The following NCKAP1L variants were observed in gnomAD, a reference collection of about 807,000 sequenced individuals.
NCKAP1L encodes the protein NCK associated protein 1 like.
In NCKAP1L, 53 loss-of-function variants were observed where a neutral mutation model predicts 139.2. The ratio of observed to expected loss-of-function variants is 0.38; its 90% CI spans 0.31 to 0.48. The LOEUF (loss-of-function observed/expected upper bound fraction) is 0.48. Among genes scored for constraint, NCKAP1L ranks in the 20% least tolerant of loss-of-function variants. The pLI is 0.98. For missense variants in NCKAP1L, 1,151 were observed against 1,381.9 expected, an observed-to-expected ratio of 0.83 and a Z score of 2.65; for synonymous variants, 468 against 499.7, an observed-to-expected ratio of 0.94 and a Z score of 0.85.
In NCKAP1L at chr12:54,538,968, C is replaced by T. The variant is rs142607419; in HGVS notation, c.3268C>T (p.Arg1090Cys). 24 of 1,613,554 alleles carry T rather than the reference C, an allele frequency of 1.5e-5. No homozygotes were observed. The highest frequency in any genetic ancestry group is 8.0e-5 in the African/African-American group (6 of 75,008). Residue 1090 changes from arginine to cysteine, a missense_variant, in exon 30 of 31, where the codon CGC becomes TGC. Physicochemically the swap from Arg to Cys is radical, Grantham distance 180 (BLOSUM62 -3). Transcript: ENST00000293373. Reference sequence around the variant, plus strand: ...TCGAGAATCCATTTCTCTGCTCATGCGCTTGGTAAGTACCTTATTTAAATT... The same window carrying T: ...TCGAGAATCCATTTCTCTGCTCATGTGCTTGGTAAGTACCTTATTTAAATT... ...RNRESISLLM[R>C]LVVEESSFLT... is the part of the protein sequence containing the mutation.
intron 16 of NCKAP1L, among the ~76,000 whole-genome samples, 159 bp from the exon 17 acceptor site, chr12:54,520,535 A>G (rs1407446738): frequency 6.6e-6 from 1 of 152,172 alleles, no homozygotes; most frequent in Non-Finnish European, 1.5e-5. Flanking sequence ...TTAAGGAGAG[A>G]GTGGTAAATA....
chr12:54,538,167 A>G (rs1015527511), intron 29 of NCKAP1L, among the ~76,000 whole-genome samples: 4 of 152,212 alleles, frequency 2.6e-5, no homozygotes, highest in African/African-American at 9.7e-5. Flanking sequence ...CTCAGGAATT[A>G]TACCCTCATT....
At chr12:54,519,148 A>G (rs947796853) in intron 15 of NCKAP1L, 39 bp from the exon 16 acceptor site, 6 of 1,554,216 alleles carry the variant, frequency 3.9e-6, no homozygotes, top group Non-Finnish European at 5.2e-6. Flanking sequence ...TTTTTCATTC[A>G]TCTTATTTTT....
chr12:54,502,108 G>C (rs1418891577), intron 3 of NCKAP1L, among the ~76,000 whole-genome samples: 1 of 152,172 alleles, frequency 6.6e-6, no homozygotes, highest in Non-Finnish European at 1.5e-5. Context: ...AGACTTAGGA[G>C]TTCTCTATAC....
intron 29 of NCKAP1L, 143 bp downstream of exon 29, chr12:54,537,196 A>G (rs1411392861): frequency 1.8e-6 from 1 of 545,280 alleles, no homozygotes; most frequent in East Asian, 3.1e-5. Flanking sequence ...AGAAGCTACT[A>G]TGTGAAAGGC....
At chr12:54,506,039 T>G (rs186830382) in intron 3 of NCKAP1L, among the ~76,000 whole-genome samples, 1 of 152,370 alleles carries the variant, frequency 6.6e-6, no homozygotes, top group East Asian at 1.9e-4. Flanking sequence ...GATAGACATT[T>G]GAGTTGTTTC....
chr12:54,522,776 G>C (rs1417566910), intron 18 of NCKAP1L, among the ~76,000 whole-genome samples: 3 of 152,188 alleles, frequency 2.0e-5, no homozygotes, highest in Non-Finnish European at 4.4e-5. Flanking sequence ...TAAATGGAGA[G>C]AATTCCAGTC....
rs749096144 is a variant in NCKAP1L at position 54,539,942 on chromosome 12, T to C, written c.3273+969T>C. Among the ~76,000 whole-genome samples the C allele has an allele frequency of 1.9e-4, 29 of 152,164 alleles. No individual in the cohort carries two copies. The South Asian group carries it at 2.1e-3, about 11-fold the overall frequency. ...AAGGGACGTGTGGCTGGAGTTTAGA[T>C]ATGCAGATAAGGAAGTCTACAAGTG... On this transcript the variant is annotated intron_variant, in intron 30 of 30. Transcript: ENST00000293373.
intron 11 of NCKAP1L, 46 bp from the exon 12 acceptor site, chr12:54,517,487 C>A: frequency 7.8e-7 from 1 of 1,275,964 alleles, no homozygotes; most frequent in Non-Finnish European, 1.1e-6. Context: ...GCTTTGAAAT[C>A]CATTTTTAAA....
At chr12:54,533,260 A>G (rs1166900392) in intron 26 of NCKAP1L, among the ~76,000 whole-genome samples, 2 of 152,150 alleles carry the variant, frequency 1.3e-5, no homozygotes, top group East Asian at 3.9e-4. Flanking sequence ...GGGTAGCTCC[A>G]ATCTTTAGGC....
chr12:54,503,020 G>A (rs202243709), intron 3 of NCKAP1L, among the ~76,000 whole-genome samples: 15,000 of 143,448 alleles, frequency 0.1, 972 homozygotes, highest in South Asian at 0.16. Flanking sequence ...AAAAAAAAAA[G>A]AAACAAAACC....
intron 29 of NCKAP1L, among the ~76,000 whole-genome samples, chr12:54,537,485 A>G (rs928894996): frequency 2.6e-5 from 4 of 152,284 alleles, no homozygotes; most frequent in African/African-American, 9.6e-5. Flanking sequence ...CAGATTCCTG[A>G]TCTTTACACC....
chr12:54,519,429 A>ATTTTTTT lies in NCKAP1L; in HGVS notation c.1625+112_1625+118dup, dbSNP rs10686138. 37 of 502,016 alleles carry ATTTTTTT rather than the reference A, an allele frequency of 7.4e-5. No homozygotes were observed. In the East Asian group the frequency reaches 7.5e-4, roughly 10 times the overall value. 31.1% of individuals were successfully genotyped at this position (502,016 alleles called of 1,614,324 possible). A position where few individuals can be genotyped will look rare whatever the true frequency, so the allele number is the denominator to read the frequency against. On this transcript the variant is annotated intron_variant, in intron 16 of 30. Transcript: ENST00000293373. ...CACTTACTTCAAAGAATTTTGTTTA[A>ATTTTTTT]TTTTTTTTTTTTTTTTTTTTTAAAG...
intron 30 of NCKAP1L, among the ~76,000 whole-genome samples, chr12:54,540,685 G>A (rs997326149): frequency 1.3e-5 from 2 of 152,168 alleles, no homozygotes; most frequent in South Asian, 4.1e-4. Flanking sequence ...GATTACTTTG[G>A]CATGACTCTT....
At chr12:54,518,876 G>A in intron 14 of NCKAP1L, 38 bp from the exon 15 acceptor site, 1 of 1,582,708 alleles carries the variant, frequency 6.3e-7, no homozygotes, top group South Asian at 1.1e-5. Context: ...TTGGTGTGCT[G>A]TTTATTGTTT....
In NCKAP1L at chr12:54,544,394, A is replaced by G. The variant is rs1957183266; in HGVS notation, c.*1709A>G. The stretch of plus-strand genomic sequence containing the variant: ...AAGACAAGTTGCTGCAGGGGGATGG[A>G]GGGTAGACAGAATGCCTTTTTTTAA... On this transcript the variant is annotated 3_prime_UTR_variant, in exon 31 of 31. Coordinates refer to ENST00000293373, the MANE Select transcript of NCKAP1L (RefSeq NM_005337.5). 6.6e-6 allele frequency: 1 copy of G among 152,204 alleles called. No individual in the cohort carries two copies. Among genetic ancestry groups the G allele is most frequent in the East Asian group, 1.9e-4 (1 of 5,206 alleles). The allele number at this position is 152,204 out of a possible 1,614,324, so 9.4% of individuals were successfully genotyped here.
intron 20 of NCKAP1L, among the ~76,000 whole-genome samples, chr12:54,524,966 A>G (rs1957015617): frequency 6.6e-6 from 1 of 152,162 alleles, no homozygotes; most frequent in South Asian, 2.1e-4. Context: ...TACTGGGGAA[A>G]GAGCATTCTA....
chr12:54,526,960 T>G (rs1462669906), intron 21 of NCKAP1L, among the ~76,000 whole-genome samples: 1 of 152,224 alleles, frequency 6.6e-6, no homozygotes, highest in Non-Finnish European at 1.5e-5. Context: ...CACTGGAACA[T>G]CCTTCAGCCT....
intron 26 of NCKAP1L, among the ~76,000 whole-genome samples, chr12:54,534,714 G>A (rs1038140028): frequency 6.6e-6 from 1 of 152,218 alleles, no homozygotes; most frequent in South Asian, 2.1e-4. Flanking sequence ...AATAAAGGAA[G>A]TATTTAGGAA....
Sources: gnomAD v4.1 joint callset for allele counts (sites outside exome capture counted in the v4.1 genomes callset) on GRCh38, gnomAD v4.1.1 for gene constraint, MANE v1.5 for transcripts, NCBI Gene and HGNC (gene_info 2026-07-23, HGNC 2026-07-21) for gene names.